The following SPTB variants were observed in gnomAD, a reference collection of about 807,000 sequenced individuals.
SPTB encodes spectrin beta, erythrocytic.
Under a neutral mutation model 256.2 loss-of-function variants are expected in SPTB, and 45 were observed. The observed-to-expected ratio is 0.18, with a 90% CI of 0.14 to 0.23. The LOEUF is 0.23. Ranked by LOEUF, SPTB falls within the 10% of genes least tolerant of loss-of-function variation. SPTB has a pLI of 1.00. For synonymous variants in SPTB, 1,231 were observed against 1,243.1 expected, an observed-to-expected ratio of 0.99 and a Z score of 0.21; for missense variants, 2,715 against 3,040.4, an observed-to-expected ratio of 0.89 and a Z score of 2.52.
At position 64,785,758 on chromosome 14, in the gene SPTB, A is replaced by G. The variant is rs1302660993; in HGVS notation, c.3755T>C (p.Ile1252Thr). Residue 1252 changes from isoleucine to threonine, a missense_variant, in exon 17 of 36, where the codon ATT (isoleucine) becomes ACT (threonine). By Grantham distance (89) the Ile-to-Thr change is moderately conservative. Coordinates refer to ENST00000644917, the MANE Select transcript of SPTB (RefSeq NM_001355436.2). This position sits in a 1 kb window ranked among gnomAD's most constrained non-coding sequence, Gnocchi z 4.4. ...SDKIKEKVQL[I>T]EDRHRKNNEK... ...TGGGGCCCGGGAGTACCTGTCCTCA[A>G]TCAGCTGCACCTTCTCCTTGATCTT... The G allele has an allele frequency of 1.8e-5, 29 of 1,613,936 alleles. No individual in the cohort carries two copies. Among genetic ancestry groups the G allele is most frequent in the South Asian group, 1.8e-4 (16 of 91,074 alleles).
At position 64,866,123 on chromosome 14, in the gene SPTB, C is replaced by T. The variant is rs1594857068; in HGVS notation, c.-52+13669G>A. On this transcript the variant is annotated intron_variant, in intron 1 of 35. Transcript: ENST00000644917. This position sits in a 1 kb window ranked among gnomAD's most constrained non-coding sequence, Gnocchi z 4.6. ...TAAGACTGTTCACTCAAAGAGCATG[C>T]AGTGAGGCCACTAACTAGTAGTCAG... Among the ~76,000 whole-genome samples the T allele has an allele frequency of 6.6e-6, 1 of 152,184 alleles. No homozygotes were observed. Among genetic ancestry groups the T allele is most frequent in the East Asian group, 1.9e-4 (1 of 5,192 alleles).
At chr14:64,857,511 GA>G (rs2083891864) in intron 1 of SPTB, among the ~76,000 whole-genome samples, 1 of 142,628 alleles carries the variant, frequency 7.0e-6, no homozygotes, top group Non-Finnish European at 1.5e-5. Flanking sequence ...CCATGAAGTT[GA>G]GGCTGCAGTG....
At chr14:64,750,918 G>T (rs2081937332) in intron 33 of SPTB, among the ~76,000 whole-genome samples, 1 of 140,592 alleles carries the variant, frequency 7.1e-6, no homozygotes, top group Non-Finnish European at 1.5e-5. Flanking sequence ...TATAAAATAT[G>T]TATATTACAT....
chr14:64,868,955 A>C (rs1882355928), intron 1 of SPTB, among the ~76,000 whole-genome samples: 1 of 152,174 alleles, frequency 6.6e-6, no homozygotes, highest in South Asian at 2.1e-4. Flanking sequence ...GTCATTGCAA[A>C]TATAAAGCAA....
intron 1 of SPTB, among the ~76,000 whole-genome samples, chr14:64,833,652 T>C (rs2083481256): frequency 1.3e-5 from 2 of 152,284 alleles, no homozygotes; most frequent in African/African-American, 2.4e-5. Flanking sequence ...CTCATGCTCA[T>C]CTTCATCAAT....
In SPTB at chr14:64,805,104, AG is replaced by A; in HGVS notation, c.149-15del. 6.2e-7 allele frequency: 1 copy of A among 1,614,170 alleles called. No individual in the cohort carries two copies. The highest frequency in any genetic ancestry group is 8.5e-7 in the Non-Finnish European group (1 of 1,180,030). ...CTTCCCGCTCATCTAGGTGGAGAGA[AG>A]AACCTTGGTGAGGTGCCTGAGGTTG... On this transcript the variant is annotated splice_polypyrimidine_tract_variant and intron_variant, in intron 2 of 35. Coordinates refer to ENST00000644917, the MANE Select transcript of SPTB (RefSeq NM_001355436.2).
intron 1 of SPTB, among the ~76,000 whole-genome samples, chr14:64,856,268 G>A (rs2083870759): frequency 6.6e-6 from 1 of 152,176 alleles, no homozygotes. Context: ...GCTTCCCAAC[G>A]CTCATGTTAA....
At chr14:64,808,853 G>C (rs2083035612) in intron 2 of SPTB, among the ~76,000 whole-genome samples, 3 of 152,120 alleles carry the variant, frequency 2.0e-5, no homozygotes. Flanking sequence ...CAGGAAGAGA[G>C]AGGTCATTTC....
At chr14:64,837,084 A>C (rs1254932009) in intron 1 of SPTB, among the ~76,000 whole-genome samples, 4 of 152,214 alleles carry the variant, frequency 2.6e-5, no homozygotes, top group Non-Finnish European at 4.4e-5. Flanking sequence ...TTCTCAATGT[A>C]CAACTTGTGC....
rs1366571792 is a variant in SPTB at position 64,822,936 on chromosome 14, C to A, written c.148+11G>T. 3 of 1,612,888 alleles carry A rather than the reference C, an allele frequency of 1.9e-6. No homozygotes were observed. The highest frequency in any genetic ancestry group is 2.5e-6 in the Non-Finnish European group (3 of 1,180,032). On this transcript the variant is annotated intron_variant, in intron 2 of 35. Transcript: ENST00000644917. ...AGAATGCCCTCCAACCCTTGTGGCCCCAAACAGTACCTGCCAAGGCCTTTA... is the reference window on the plus strand; with the variant it reads ...AGAATGCCCTCCAACCCTTGTGGCCACAAACAGTACCTGCCAAGGCCTTTA...
intron 2 of SPTB, among the ~76,000 whole-genome samples, chr14:64,809,211 G>A (rs1304660099): frequency 2.2e-5 from 3 of 134,672 alleles, no homozygotes; most frequent in African/African-American, 8.4e-5. Context: ...GCAGTGAGCC[G>A]AGATCCCACC....
Position 64,764,726 on chromosome 14 carries a change from C to T in SPTB, c.6345+2000G>A, listed in dbSNP as rs904808665. ...ACCGCCACATGCAGACACACAGGGA[C>T]GCATGGCAGAAGCAGGCGGGGGCAG... is the stretch of plus-strand genomic sequence containing the variant. On this transcript the variant is annotated intron_variant, in intron 32 of 35. Coordinates refer to ENST00000644917, the MANE Select transcript of SPTB (RefSeq NM_001355436.2). This position sits in a 1 kb window ranked among gnomAD's most constrained non-coding sequence, Gnocchi z 4.2. 1.3e-5 allele frequency among the ~76,000 whole-genome samples: 2 copies of T among 152,170 alleles called. No homozygotes were observed. Among genetic ancestry groups the T allele is most frequent in the African/African-American group, 2.4e-5 (1 of 41,422 alleles).
intron 2 of SPTB, among the ~76,000 whole-genome samples, chr14:64,820,278 A>C: frequency 6.6e-6 from 1 of 152,160 alleles, no homozygotes; most frequent in East Asian, 1.9e-4. Context: ...CTGAAGGGAA[A>C]AAAAGTCAAG....
chr14:64,768,918 G>A (rs2082234516), intron 29 of SPTB, 116 bp downstream of exon 29: 1 of 880,488 alleles, frequency 1.1e-6, no homozygotes, highest in Admixed American at 1.7e-5. Flanking sequence ...GAGCAGTGCT[G>A]TGGGGGGCTC....
intron 31 of SPTB, among the ~76,000 whole-genome samples, chr14:64,767,026 T>G (rs969827866): frequency 6.6e-6 from 1 of 152,172 alleles, no homozygotes; most frequent in Admixed American, 6.5e-5. Context: ...CAGAACGGCC[T>G]GTGGGGCCCC....
chr14:64,790,311 A>G lies in SPTB; in HGVS notation c.2804+1408T>C, dbSNP rs947267580. On this transcript the variant is annotated intron_variant, in intron 15 of 35. Coordinates refer to ENST00000644917, the MANE Select transcript of SPTB (RefSeq NM_001355436.2). This position sits in a 1 kb window ranked among gnomAD's most constrained non-coding sequence, Gnocchi z 4.8. Reference sequence around the variant, plus strand: ...GGTCTGTAAAGATCAACATTCTCAGACTATAGTTTATTGTTGAGCTGATGA... The same window carrying G: ...GGTCTGTAAAGATCAACATTCTCAGGCTATAGTTTATTGTTGAGCTGATGA... Among the ~76,000 whole-genome samples, 3 of 152,088 alleles carry G rather than the reference A, an allele frequency of 2.0e-5. No homozygotes were observed. The highest frequency in any genetic ancestry group is 7.2e-5 in the African/African-American group (3 of 41,406).
chr14:64,753,639 G>T lies in SPTB; in HGVS notation c.6500C>A (p.Ala2167Glu). 1 of 1,613,694 alleles carries T rather than the reference G, an allele frequency of 6.2e-7. No homozygotes were observed. Among genetic ancestry groups the T allele is most frequent in the Non-Finnish European group, 8.5e-7 (1 of 1,180,024 alleles). ...DTPLSEGDEP[A>E]TLPAPRDHGQ... ...ATGGTCCCGCGGGGCCGGCAGCGTT[G>T]CGGGCTCATCACCCTCGCTCAGAGG... The change falls in exon 33 of 36, where the codon GCA becomes GAA. Residue 2167 changes from alanine (A) to glutamate (E), a missense_variant. Ala to Glu is a moderately radical substitution (Grantham distance 107). This residue lies in a region of SPTB where 2,239 missense variants were observed against 2,384.4 expected (regional missense o/e 0.94). Transcript: ENST00000644917.
At chr14:64,815,204 G>A (rs2083167427) in intron 2 of SPTB, among the ~76,000 whole-genome samples, 1 of 152,194 alleles carries the variant, frequency 6.6e-6, no homozygotes, top group South Asian at 2.1e-4. Flanking sequence ...GATCCTAAGG[G>A]GACAGGGGAG....
chr14:64,779,283 A>C lies in SPTB; in HGVS notation c.4474-37T>G. 1.3e-6 allele frequency: 2 copies of C among 1,568,644 alleles called. No individual in the cohort carries two copies. Among genetic ancestry groups the C allele is most frequent in the Non-Finnish European group, 1.7e-6 (2 of 1,143,230 alleles). On this transcript the variant is annotated intron_variant, in intron 21 of 35. Transcript: ENST00000644917. This position sits in a 1 kb window ranked among gnomAD's most constrained non-coding sequence, Gnocchi z 4.2. Reference sequence around the variant, plus strand: ...AGGAGGCAGGAGAGAGCTGATGACAATCACGGCCAACCTTTCCTGAGTGCT... The same window carrying C: ...AGGAGGCAGGAGAGAGCTGATGACACTCACGGCCAACCTTTCCTGAGTGCT...
Sources: allele counts gnomAD v4.1 joint callset (sites outside exome capture counted in the v4.1 genomes callset), GRCh38; gene constraint gnomAD v4.1.1; regional missense constraint gnomAD v4.1.1; non-coding constraint Gnocchi (gnomAD v3.1); transcripts MANE v1.5; gene names NCBI Gene and HGNC (gene_info 2026-07-23, HGNC 2026-07-21).